MTHFD1: variants seen among roughly 807,000 people sequenced by gnomAD.
MTHFD1 encodes the protein C-1-tetrahydrofolate synthase, cytoplasmic.
In MTHFD1, 44 loss-of-function variants were observed where a neutral mutation model predicts 110.3. That is an observed-to-expected ratio of 0.40 (90% CI 0.31 to 0.51). The LOEUF is 0.51. Ranked by LOEUF, MTHFD1 falls within the 20% of genes least tolerant of loss-of-function variation. The probability of loss-of-function intolerance (pLI) is 0.60; values close to 1 mark genes in which losing one functional copy is unlikely to be tolerated. For missense variants in MTHFD1, 909 were observed against 1,173.1 expected (o/e 0.77, Z 3.29); for synonymous variants, 402 against 428.8 (o/e 0.94, Z 0.77).
At chr14:64,445,582 T>C (rs2078283457) in intron 22 of MTHFD1, among the ~76,000 whole-genome samples, 1 of 152,206 alleles carries the variant, frequency 6.6e-6, no homozygotes, top group African/African-American at 2.4e-5. Context: ...CAATACAGGG[T>C]CACTGTTCAG....
chr14:64,459,599 A>C (rs571745862), intron 27 of MTHFD1, among the ~76,000 whole-genome samples, 160 bp from the exon 28 acceptor site: 1 of 152,260 alleles, frequency 6.6e-6, no homozygotes, highest in Non-Finnish European at 1.5e-5. Flanking sequence ...ATCATTTTCA[A>C]GTCCATTTAT....
chr14:64,430,142 A>G, intron 12 of MTHFD1, 42 bp from the exon 13 acceptor site: 1 of 1,578,452 alleles, frequency 6.3e-7, no homozygotes, highest in Non-Finnish European at 8.7e-7. Context: ...GTCATTGGAG[A>G]AGCATGCTTA....
chr14:64,439,239 T>C (rs983388027), intron 17 of MTHFD1, 67 bp downstream of exon 17: 1 of 1,145,120 alleles, frequency 8.7e-7, no homozygotes, highest in Middle Eastern at 1.9e-4. Flanking sequence ...TCTCTCCTCC[T>C]CCATCCTCTC....
chr14:64,392,147 A>G (rs2077811319), intron 1 of MTHFD1, among the ~76,000 whole-genome samples: 1 of 152,230 alleles, frequency 6.6e-6, no homozygotes, highest in African/African-American at 2.4e-5. Flanking sequence ...GCTCCTGACC[A>G]AAAACACAGC....
intron 15 of MTHFD1, among the ~76,000 whole-genome samples, chr14:64,434,944 C>G (rs1445969110): frequency 3.3e-5 from 3 of 89,590 alleles, no homozygotes; most frequent in African/African-American, 1.5e-4. Flanking sequence ...AGCTCTCCCT[C>G]TTTTCTTTTT....
chr14:64,437,646 C>T (rs1370655251), intron 16 of MTHFD1, among the ~76,000 whole-genome samples: 1 of 152,244 alleles, frequency 6.6e-6, no homozygotes, highest in Non-Finnish European at 1.5e-5. Context: ...AGGTTGTCAC[C>T]TGTGCTTCTG....
intron 2 of MTHFD1, among the ~76,000 whole-genome samples, chr14:64,403,802 C>T (rs2077917621): frequency 6.6e-6 from 1 of 152,150 alleles, no homozygotes; most frequent in Non-Finnish European, 1.5e-5. Context: ...CCGCCTTGGC[C>T]TCCCAAAGTC....
chr14:64,404,435 A>G (rs916228115), intron 2 of MTHFD1, among the ~76,000 whole-genome samples: 2 of 152,130 alleles, frequency 1.3e-5, no homozygotes, highest in Non-Finnish European at 2.9e-5. Flanking sequence ...TCTATCCAGT[A>G]TTTCTTCCCT....
rs537723805 is a variant in MTHFD1 at position 64,417,521 on chromosome 14, G to A, written c.479-367G>A. On this transcript the variant is annotated intron_variant, in intron 6 of 27. Coordinates refer to ENST00000652337, the MANE Select transcript of MTHFD1 (RefSeq NM_005956.4). This position sits in a 1 kb window ranked among gnomAD's most constrained non-coding sequence, Gnocchi z 4.4. ...CCAGCCTGTTACATACACCCTATTT[G>A]TTTTAACTTTTTTTCCCCATGTAAT... Among the ~76,000 whole-genome samples the A allele has an allele frequency of 1.3e-5, 2 of 152,164 alleles. No individual in the cohort carries two copies. Among genetic ancestry groups the A allele is most frequent in the African/African-American group, 2.4e-5 (1 of 41,434 alleles).
At chr14:64,414,990 CT>C (rs749664630) in intron 4 of MTHFD1, among the ~76,000 whole-genome samples, 5 of 152,112 alleles carry the variant, frequency 3.3e-5, no homozygotes, top group Non-Finnish European at 5.9e-5. Context: ...CACCCAGCCC[CT>C]GGCCCTAATT....
chr14:64,398,571 A>G (rs1187403405), intron 1 of MTHFD1, among the ~76,000 whole-genome samples: 2 of 152,212 alleles, frequency 1.3e-5, no homozygotes, highest in Admixed American at 6.5e-5. Context: ...ATAAATAAAA[A>G]TCAAAATAAA....
intron 1 of MTHFD1, among the ~76,000 whole-genome samples, chr14:64,396,768 G>T (rs1463940306): frequency 6.6e-6 from 1 of 151,040 alleles, no homozygotes; most frequent in East Asian, 2.0e-4. Flanking sequence ...AACAAAATGG[G>T]AATAAAACAT....
In MTHFD1 at chr14:64,426,025, T is replaced by C. The variant is rs143994439; in HGVS notation, c.960T>C (p.Ile320=). 1.1e-5 allele frequency: 18 copies of C among 1,613,358 alleles called. No individual in the cohort carries two copies. In the South Asian group the frequency reaches 1.8e-4, roughly 16 times the overall value. The change falls in exon 11 of 28, where the codon ATT becomes ATC. Residue 320 remains isoleucine (I), a synonymous_variant. Coordinates refer to ENST00000652337, the MANE Select transcript of MTHFD1 (RefSeq NM_005956.4). The stretch of plus-strand genomic sequence containing the variant: ...ATTTTCTATGTTTCCAAAGTGACAT[T>C]GATATATCACGATCTTGTAAACCGA... ...LNLKTPVPSD[I]DISRSCKPKP...
At chr14:64,396,548 C>T (rs1716817921) in intron 1 of MTHFD1, among the ~76,000 whole-genome samples, 1 of 147,444 alleles carries the variant, frequency 6.8e-6, no homozygotes, top group African/African-American at 2.5e-5. Flanking sequence ...TGCGCCACCG[C>T]TCCCAGTTAA....
At chr14:64,433,614 C>T (rs960781304) in intron 15 of MTHFD1, among the ~76,000 whole-genome samples, 5 of 151,762 alleles carry the variant, frequency 3.3e-5, no homozygotes, top group East Asian at 1.9e-4. Flanking sequence ...CGGGTTTTGC[C>T]GTGTTGCCCA....
At position 64,444,942 on chromosome 14, in the gene MTHFD1, GT is replaced by G. The variant is rs1304671604; in HGVS notation, c.2178+209del. 5 of 605,240 alleles carry G rather than the reference GT, an allele frequency of 8.3e-6. No homozygotes were observed. The East Asian group carries it at 8.9e-5, about 11-fold the overall frequency. The allele number at this position is 605,240 out of a possible 1,614,324, so 37.5% of individuals were successfully genotyped here. A position where few individuals can be genotyped will look rare whatever the true frequency, so the allele number is the denominator to read the frequency against. On this transcript the variant is annotated intron_variant, in intron 22 of 27. Transcript: ENST00000652337. ...AAAATAGAATTGTCCCACATAGGGTGTCAATAAGCCACTGCCCTAGACCAGT... is the reference window on the plus strand; with the variant it reads ...AAAATAGAATTGTCCCACATAGGGTGCAATAAGCCACTGCCCTAGACCAGT...
At chr14:64,397,375 C>A (rs2077866410) in intron 1 of MTHFD1, among the ~76,000 whole-genome samples, 1 of 150,656 alleles carries the variant, frequency 6.6e-6, no homozygotes, top group South Asian at 2.1e-4. Flanking sequence ...TCACTGCAAC[C>A]TCTGCCTCCC....
chr14:64,411,054 C>T (rs781048041), intron 2 of MTHFD1, 36 bp from the exon 3 acceptor site: 4 of 1,460,634 alleles, frequency 2.7e-6, no homozygotes, highest in East Asian at 2.3e-5. Context: ...TTTGCCTTTC[C>T]CTAATCATCT....
intron 12 of MTHFD1, among the ~76,000 whole-genome samples, chr14:64,429,314 TTTTG>T (rs1025237283): frequency 9.8e-5 from 13 of 132,776 alleles, no homozygotes; most frequent in Admixed American, 2.3e-4. Flanking sequence ...CCTGGACTTT[TTTTG>T]TTTGTTTGTT....
Sources: gnomAD v4.1 joint callset for allele counts (sites outside exome capture counted in the v4.1 genomes callset) on GRCh38, gnomAD v4.1.1 for gene constraint, Gnocchi (gnomAD v3.1) non-coding constraint, MANE v1.5 for transcripts, NCBI Gene and HGNC (gene_info 2026-07-23, HGNC 2026-07-21) for gene names.